FAM120B: variants seen among roughly 807,000 people sequenced by gnomAD.
FAM120B encodes the protein family with sequence similarity 120 member B.
A neutral mutation model predicts 96.3 loss-of-function variants in FAM120B; 83 were observed. That is an observed-to-expected ratio of 0.86 (90% confidence interval 0.72 to 1.03). The LOEUF (loss-of-function observed/expected upper bound fraction) is 1.03. FAM120B is among the 50% of genes least tolerant of loss of function. The pLI is 0.00. For missense variants in FAM120B, 1,027 were observed against 1,121.2 expected (o/e 0.92, Z 1.20); for synonymous variants, 407 against 402.7 (o/e 1.01, Z -0.13).
At chr6:170,323,797 C>T (rs531015533) in intron 3 of FAM120B, among the ~76,000 whole-genome samples, 1 of 151,936 alleles carries the variant, frequency 6.6e-6, no homozygotes, top group Non-Finnish European at 1.5e-5. Context: ...CATCAAGGAC[C>T]CAAATAGTGA....
chr6:170,370,281 A>G lies in FAM120B; in HGVS notation c.2283+11963A>G, dbSNP rs1221973198. The stretch of plus-strand genomic sequence containing the variant: ...GGGGCCCTTGCTGCCCAGACAGTCC[A>G]TGCAGACCTTTCTTTTCTGAGACGC... On this transcript the variant is annotated intron_variant, in intron 6 of 10. Transcript: ENST00000476287. This position sits in a 1 kb window ranked among gnomAD's most constrained non-coding sequence, Gnocchi z 4.3. Among the ~76,000 whole-genome samples, 2 of 152,184 alleles carry G rather than the reference A, an allele frequency of 1.3e-5. No homozygotes were observed. The highest frequency in any genetic ancestry group is 2.9e-5 in the Non-Finnish European group (2 of 68,032).
At position 170,369,418 on chromosome 6, in the gene FAM120B, G is replaced by A. The variant is rs1789032104; in HGVS notation, c.2283+11100G>A. Among the ~76,000 whole-genome samples the A allele has an allele frequency of 2.6e-5, 4 of 152,194 alleles. 1 individual carries two copies. In the South Asian group the frequency reaches 8.3e-4, roughly 32 times the overall value. The stretch of plus-strand genomic sequence containing the variant: ...GACTTTGCCCATAGTCCTCATAATT[G>A]TAGTAGGTGTCTCCTGCTACAGATC... On this transcript the variant is annotated intron_variant, in intron 6 of 10. Coordinates refer to ENST00000476287, the MANE Select transcript of FAM120B (RefSeq NM_032448.3).
At chr6:170,378,178 C>G (rs144118542) in intron 6 of FAM120B, among the ~76,000 whole-genome samples, 248 of 152,266 alleles carry the variant, frequency 1.6e-3, no homozygotes, top group African/African-American at 5.8e-3. Flanking sequence ...AGATCACAGC[C>G]CAGGTGTTGA....
At chr6:170,322,880 A>G (rs781358299) in intron 2 of FAM120B, among the ~76,000 whole-genome samples, 199 bp from the exon 3 acceptor site, 1 of 151,996 alleles carries the variant, frequency 6.6e-6, no homozygotes, top group Non-Finnish European at 1.5e-5. Context: ...AGAGAGGAGG[A>G]GGAGGGGGAA....
chr6:170,301,000 T>C (rs1422825728), intron 1 of FAM120B, among the ~76,000 whole-genome samples: 2 of 152,170 alleles, frequency 1.3e-5, no homozygotes, highest in Admixed American at 6.5e-5. Flanking sequence ...GTCTGGACAA[T>C]GGTGGCCCTT....
In FAM120B at chr6:170,334,891, T is replaced by TA. The variant is rs529096212; in HGVS notation, c.2017+4343dup. Among the ~76,000 whole-genome samples the TA allele has an allele frequency of 1.3e-3, 198 of 152,308 alleles. 1 individual carries two copies. Among genetic ancestry groups the TA allele is most frequent in the African/African-American group, 4.5e-3 (186 of 41,572 alleles). On this transcript the variant is annotated intron_variant, in intron 4 of 10. Coordinates refer to ENST00000476287, the MANE Select transcript of FAM120B (RefSeq NM_032448.3). ...CATGAAATTAGAAAACTTATCCATG[T>TA]AAGTATAGAGTTTGATGTATTGAGA...
intron 2 of FAM120B, 137 bp from the exon 3 acceptor site, chr6:170,322,942 G>T: frequency 1.5e-6 from 1 of 667,254 alleles, no homozygotes; most frequent in South Asian, 2.2e-5. Flanking sequence ...GCAACTTGAT[G>T]TCATGAATTT....
At position 170,404,531 on chromosome 6, in the gene FAM120B, T is replaced by C; in HGVS notation, c.2693-19T>C. ...AGAGATTTAATTCTTACTTTGGTTT[T>C]CATGTCTGTTTACTGCAGGAAGCAG... is the stretch of plus-strand genomic sequence containing the variant. On this transcript the variant is annotated intron_variant, in intron 9 of 10. Coordinates refer to ENST00000476287, the MANE Select transcript of FAM120B (RefSeq NM_032448.3). 1 of 1,612,398 alleles carries C rather than the reference T, an allele frequency of 6.2e-7. No homozygotes were observed. Among genetic ancestry groups the C allele is most frequent in the Non-Finnish European group, 8.5e-7 (1 of 1,178,894 alleles).
intron 5 of FAM120B, among the ~76,000 whole-genome samples, chr6:170,352,932 A>G (rs1193254335): frequency 1.3e-5 from 2 of 152,180 alleles, no homozygotes; most frequent in Admixed American, 1.3e-4. Flanking sequence ...CTTTTAAAAA[A>G]AAATCAATGA....
At chr6:170,394,434 C>A (rs535816436) in intron 8 of FAM120B, among the ~76,000 whole-genome samples, 1 of 152,046 alleles carries the variant, frequency 6.6e-6, no homozygotes, top group Non-Finnish European at 1.5e-5. Flanking sequence ...CACAAGGCCA[C>A]GCCTCCGTGG....
At chr6:170,402,508 C>T (rs185021404) in intron 9 of FAM120B, among the ~76,000 whole-genome samples, 32 of 152,322 alleles carry the variant, frequency 2.1e-4, no homozygotes, top group African/African-American at 6.0e-4. Flanking sequence ...AGGAGCAGTG[C>T]GGGCACGCTG....
chr6:170,346,213 T>C (rs1055428478), intron 4 of FAM120B, among the ~76,000 whole-genome samples: 11 of 152,114 alleles, frequency 7.2e-5, no homozygotes, highest in Non-Finnish European at 1.0e-4. Flanking sequence ...TAAATTTTCA[T>C]GTGTAAGCAA....
chr6:170,374,129 C>G (rs1789369186), intron 6 of FAM120B, among the ~76,000 whole-genome samples: 1 of 152,208 alleles, frequency 6.6e-6, no homozygotes, highest in African/African-American at 2.4e-5. Context: ...GGTTAAACTT[C>G]CCCTCTGGTC....
At position 170,347,124 on chromosome 6, in the gene FAM120B, A is replaced by G. The variant is rs185976471; in HGVS notation, c.2018-1027A>G. Among the ~76,000 whole-genome samples the G allele has an allele frequency of 8.9e-4, 136 of 152,340 alleles. 4 individuals carry two copies. The East Asian group carries it at 0.023, about 26-fold the overall frequency. ...AGTAGTCAGTGCTATCGTGGGAAACATAAGAAAAGAAAGAGAAGAATTTCC... is the reference window on the plus strand; with the variant it reads ...AGTAGTCAGTGCTATCGTGGGAAACGTAAGAAAAGAAAGAGAAGAATTTCC... On this transcript the variant is annotated intron_variant, in intron 4 of 10. Coordinates refer to ENST00000476287, the MANE Select transcript of FAM120B (RefSeq NM_032448.3).
chr6:170,305,302 T>C (rs1445986399), upstream of FAM120B, among the ~76,000 whole-genome samples: 1 of 152,212 alleles, frequency 6.6e-6, no homozygotes, highest in African/African-American at 2.4e-5. Flanking sequence ...TCATTTCACA[T>C]ACTGCTTGGT....
At chr6:170,378,576 C>G (rs1388310082) in intron 6 of FAM120B, among the ~76,000 whole-genome samples, 1 of 152,230 alleles carries the variant, frequency 6.6e-6, no homozygotes, top group Non-Finnish European at 1.5e-5. Flanking sequence ...AGACGCCAAC[C>G]CTTGTCGGAT....
chr6:170,311,770 C>T (rs1333579761), intron 1 of FAM120B, among the ~76,000 whole-genome samples: 3 of 152,074 alleles, frequency 2.0e-5, no homozygotes, highest in African/African-American at 7.2e-5. Flanking sequence ...AATGAGTAAG[C>T]CAAATTTATT....
chr6:170,303,265 C>T (rs113070424), upstream of FAM120B, among the ~76,000 whole-genome samples: 3 of 152,220 alleles, frequency 2.0e-5, no homozygotes, highest in Non-Finnish European at 2.9e-5. Context: ...TGTGAGACAG[C>T]GTCCTACTCT....
upstream of FAM120B, among the ~76,000 whole-genome samples, chr6:170,302,933 C>T (rs1316250276): frequency 2.0e-5 from 3 of 152,074 alleles, no homozygotes; most frequent in Non-Finnish European, 1.5e-5. Flanking sequence ...TAATATTTGA[C>T]TTTTCCTTCC....
Sources: allele counts gnomAD v4.1 joint callset (sites outside exome capture counted in the v4.1 genomes callset), GRCh38; gene constraint gnomAD v4.1.1; non-coding constraint Gnocchi (gnomAD v3.1); transcripts MANE v1.5; gene names NCBI Gene and HGNC (gene_info 2026-07-23, HGNC 2026-07-21).